LRRC2: variants seen among roughly 807,000 people sequenced by gnomAD.
LRRC2 encodes the protein leucine rich repeat containing 2.
LRRC2 carries 27 observed loss-of-function variants against 40.2 expected under a neutral mutation model. The ratio of observed to expected loss-of-function variants is 0.67; its 90% CI spans 0.49 to 0.93. The LOEUF (loss-of-function observed/expected upper bound fraction) is 0.93, where lower values mean the gene tolerates loss of function less well. Ranked by LOEUF, LRRC2 falls within the 40% of genes least tolerant of loss-of-function variation. The probability of loss-of-function intolerance (pLI) is 0.00; values close to 1 mark genes in which losing one functional copy is unlikely to be tolerated. For synonymous variants in LRRC2, 147 were observed against 158.9 expected, an observed-to-expected ratio of 0.92 and a Z score of 0.56; for missense variants, 402 against 439.6, an observed-to-expected ratio of 0.91 and a Z score of 0.76.
At chr3:46,540,467 G>A (rs561093218) in intron 3 of LRRC2, among the ~76,000 whole-genome samples, 27 of 151,218 alleles carry the variant, frequency 1.8e-4, no homozygotes, top group Non-Finnish European at 2.8e-4. Flanking sequence ...GAAGGTTGTA[G>A]TGAGCCAAAA....
chr3:46,527,304 G>A, intron 7 of LRRC2, 122 bp downstream of exon 7: 1 of 1,004,648 alleles, frequency 1.0e-6, no homozygotes, highest in East Asian at 2.4e-5. Flanking sequence ...TGTGAGTTGG[G>A]ATCAGGTTCT....
intron 2 of LRRC2, among the ~76,000 whole-genome samples, chr3:46,548,069 A>T (rs1447805140): frequency 6.6e-6 from 1 of 152,194 alleles, no homozygotes; most frequent in African/African-American, 2.4e-5. Flanking sequence ...AATGTCTCTA[A>T]CTTTTCTTTC....
chr3:46,535,622 A>C (rs1304795395), intron 4 of LRRC2, among the ~76,000 whole-genome samples: 2 of 152,200 alleles, frequency 1.3e-5, no homozygotes, highest in Non-Finnish European at 2.9e-5. Context: ...CAAGTTACTC[A>C]AAGTTAGATA....
In LRRC2 at chr3:46,556,126, T is replaced by G. The variant is rs537921724; in HGVS notation, c.-19-4516A>C. On this transcript the variant is annotated intron_variant, in intron 1 of 8. Coordinates refer to ENST00000395905, the MANE Select transcript of LRRC2 (RefSeq NM_024512.5). ...TTGCTACTTTCTTTTTTTTTTTTCT[T>G]TCCCCCTTCCAAAGACAAGATCTCA... Among the ~76,000 whole-genome samples the G allele has an allele frequency of 3.9e-5, 6 of 151,988 alleles. No individual in the cohort carries two copies. The South Asian group carries it at 8.3e-4, about 21-fold the overall frequency.
At chr3:46,538,974 G>A (rs1704326126) in intron 4 of LRRC2, 71 bp downstream of exon 4, 6 of 1,502,018 alleles carry the variant, frequency 4.0e-6, no homozygotes, top group Non-Finnish European at 5.5e-6. Flanking sequence ...TCTGCACAGT[G>A]TCTGTCACCT....
chr3:46,557,548 T>G (rs1053707189), intron 1 of LRRC2: 1 of 152,268 alleles, frequency 6.6e-6, no homozygotes, highest in African/African-American at 2.4e-5. Context: ...CCATCTCCAT[T>G]ACGTTTGTGA....
At chr3:46,541,662 G>A (rs979464449) in intron 3 of LRRC2, among the ~76,000 whole-genome samples, 2 of 152,194 alleles carry the variant, frequency 1.3e-5, no homozygotes, top group Non-Finnish European at 2.9e-5. Context: ...AGCCACCAGA[G>A]ACTCGGCAGT....
chr3:46,552,316 C>T (rs73069987), intron 1 of LRRC2, among the ~76,000 whole-genome samples: 5,875 of 151,668 alleles, frequency 0.039, 213 homozygotes, highest in South Asian at 0.15. Flanking sequence ...CAGGCAGGCA[C>T]GCACACACAT....
chr3:46,554,175 A>G (rs910900099), intron 1 of LRRC2, among the ~76,000 whole-genome samples: 1 of 151,962 alleles, frequency 6.6e-6, no homozygotes, highest in African/African-American at 2.4e-5. Flanking sequence ...ATGCGCCACT[A>G]TGCCCAGATA....
intron 4 of LRRC2, among the ~76,000 whole-genome samples, chr3:46,537,397 G>A (rs1704290868): frequency 6.6e-6 from 1 of 152,322 alleles, no homozygotes; most frequent in Admixed American, 6.5e-5. Context: ...ACCGCCTCCA[G>A]CCTAAAAAGG....
chr3:46,526,531 C>T (rs1028029386), intron 7 of LRRC2, among the ~76,000 whole-genome samples: 4 of 152,184 alleles, frequency 2.6e-5, no homozygotes, highest in Non-Finnish European at 5.9e-5. Context: ...GTAGGGCATG[C>T]GTGAGATGTC....
intron 1 of LRRC2, among the ~76,000 whole-genome samples, chr3:46,556,146 A>G (rs1264385458): frequency 1.3e-5 from 2 of 150,698 alleles, no homozygotes; most frequent in Non-Finnish European, 3.0e-5. Flanking sequence ...CAAAGACAAG[A>G]TCTCACTCTG....
intron 7 of LRRC2, among the ~76,000 whole-genome samples, chr3:46,522,760 AACACACACACACACACACACACACACAC>A (rs71098411): frequency 7.0e-6 from 1 of 143,340 alleles, no homozygotes; most frequent in Non-Finnish European, 1.5e-5. Flanking sequence ...AACTACTGCT[AACACACACACACACACACACACACACAC>A]ACACACACAC....
intron 4 of LRRC2, among the ~76,000 whole-genome samples, chr3:46,537,074 C>A (rs920422272): frequency 6.6e-6 from 1 of 152,144 alleles, no homozygotes; most frequent in Non-Finnish European, 1.5e-5. Flanking sequence ...CTAGGTCAAC[C>A]ACTGTGGCTT....
At chr3:46,532,722 G>T in intron 5 of LRRC2, 51 bp downstream of exon 5, 1 of 1,580,810 alleles carries the variant, frequency 6.3e-7, no homozygotes, top group Non-Finnish European at 8.6e-7. Context: ...ACCATTCTAT[G>T]TCATAAACCA....
intron 2 of LRRC2, among the ~76,000 whole-genome samples, chr3:46,549,222 A>G (rs1176091859): frequency 6.6e-6 from 1 of 152,270 alleles, no homozygotes; most frequent in Non-Finnish European, 1.5e-5. Context: ...TTAACCAAAT[A>G]GTTGCCTTTT....
intron 5 of LRRC2, 148 bp from the exon 6 acceptor site, chr3:46,530,198 C>G (rs1345023432): frequency 3.0e-6 from 2 of 658,204 alleles, no homozygotes; most frequent in Non-Finnish European, 5.2e-6. Flanking sequence ...TTTGAAGCAC[C>G]TCAGATGTGT....
At chr3:46,536,522 C>T (rs1420770130) in intron 4 of LRRC2, among the ~76,000 whole-genome samples, 1 of 152,162 alleles carries the variant, frequency 6.6e-6, no homozygotes, top group Non-Finnish European at 1.5e-5. Context: ...CCCACGGATA[C>T]CCCTCACCCA....
intron 1 of LRRC2, among the ~76,000 whole-genome samples, chr3:46,555,861 A>C (rs1442794063): frequency 6.6e-6 from 1 of 152,172 alleles, no homozygotes; most frequent in East Asian, 1.9e-4. Context: ...TGCCTTAACA[A>C]TTATTTTAGA....
Sources: gnomAD v4.1 joint callset for allele counts (sites outside exome capture counted in the v4.1 genomes callset) on GRCh38, gnomAD v4.1.1 for gene constraint, MANE v1.5 for transcripts, NCBI Gene and HGNC (gene_info 2026-07-23, HGNC 2026-07-21) for gene names.